The following COL24A1 variants were observed in gnomAD, a reference collection of about 807,000 sequenced individuals.
COL24A1 encodes the protein collagen alpha-1(XXIV) chain.
COL24A1 carries 224 observed loss-of-function variants against 253.9 expected under a neutral mutation model. That is an observed-to-expected ratio of 0.88 (90% CI 0.79 to 0.99). COL24A1 has a LOEUF of 0.99. COL24A1 is among the 50% of genes least tolerant of loss of function. The pLI is 0.00. For missense variants in COL24A1, 2,131 were observed against 2,068.5 expected, an observed-to-expected ratio of 1.03 and a Z score of -0.59; for synonymous variants, 685 against 673.7, an observed-to-expected ratio of 1.02 and a Z score of -0.26.
chr1:85,832,792 G>C (rs1181214072), intron 43 of COL24A1, among the ~76,000 whole-genome samples: 1 of 150,690 alleles, frequency 6.6e-6, no homozygotes, highest in Non-Finnish European at 1.5e-5. Context: ...CTGAGACTTT[G>C]CTGAAGTTGC....
chr1:85,797,172 C>T (rs1670909134), intron 47 of COL24A1, among the ~76,000 whole-genome samples: 1 of 138,170 alleles, frequency 7.2e-6, no homozygotes, highest in Admixed American at 8.0e-5. Context: ...GCAACTACTG[C>T]ACTCCGGCCT....
chr1:86,156,386 C>T lies in COL24A1; in HGVS notation c.11G>A (p.Arg4Lys), dbSNP rs1472513332. Residue 4 changes from arginine to lysine, a missense_variant, in exon 1 of 60, where the codon AGA becomes AAA. Arg to Lys is a conservative substitution (Grantham distance 26, BLOSUM62 2). Coordinates refer to ENST00000370571, the MANE Select transcript of COL24A1 (RefSeq NM_152890.7). ...TTTTCCACGCCTTGTTCTGTGGGCTCTTAAATGCATTTGTATGCATTTGTC... is the reference window on the plus strand; with the variant it reads ...TTTTCCACGCCTTGTTCTGTGGGCTTTTAAATGCATTTGTATGCATTTGTC... MHL[R>K]AHRTRRGKVS... 5 of 1,612,186 alleles carry T rather than the reference C, an allele frequency of 3.1e-6. No individual in the cohort carries two copies. Among genetic ancestry groups the T allele is most frequent in the Non-Finnish European group, 2.5e-6 (3 of 1,179,288 alleles).
intron 24 of COL24A1, among the ~76,000 whole-genome samples, chr1:85,926,447 A>T (rs1247024895): frequency 6.6e-6 from 1 of 152,254 alleles, no homozygotes; most frequent in Non-Finnish European, 1.5e-5. Context: ...GACTGGATTA[A>T]GAATATGTGG....
At chr1:85,919,167 G>A (rs1429568048) in intron 24 of COL24A1, among the ~76,000 whole-genome samples, 1 of 152,124 alleles carries the variant, frequency 6.6e-6, no homozygotes, top group Non-Finnish European at 1.5e-5. Context: ...CCAACCCACA[G>A]TGTATAGAGT....
chr1:85,896,507 T>G (rs1213801777), intron 28 of COL24A1, 98 bp from the exon 29 acceptor site: 1 of 1,101,390 alleles, frequency 9.1e-7, no homozygotes, highest in African/African-American at 1.6e-5. Context: ...GATGATTTTT[T>G]TTTTTTGAGA....
chr1:86,057,800 C>G, intron 10 of COL24A1, 131 bp downstream of exon 10: 4 of 695,348 alleles, frequency 5.8e-6, no homozygotes, highest in Non-Finnish European at 9.3e-6. Context: ...CTGCAGTAAG[C>G]AAGTATATTC....
At chr1:85,756,193 G>A (rs780152570) in intron 55 of COL24A1, among the ~76,000 whole-genome samples, 3 of 152,064 alleles carry the variant, frequency 2.0e-5, no homozygotes, top group Non-Finnish European at 4.4e-5. Flanking sequence ...GCCGAGGTAG[G>A]CAGATCACTT....
At chr1:86,095,686 A>G (rs951292910) in intron 5 of COL24A1, among the ~76,000 whole-genome samples, 1 of 152,086 alleles carries the variant, frequency 6.6e-6, no homozygotes, top group East Asian at 1.9e-4. Flanking sequence ...TAAAATACTT[A>G]TAAATTCATT....
intron 24 of COL24A1, among the ~76,000 whole-genome samples, chr1:85,960,581 G>T (rs1690929175): frequency 6.6e-6 from 1 of 151,960 alleles, no homozygotes; most frequent in Non-Finnish European, 1.5e-5. Context: ...AATTTAATAA[G>T]CTTTTTAATA....
At chr1:85,971,238 C>A (rs534209463) in intron 21 of COL24A1, 102 bp downstream of exon 21, 2 of 831,718 alleles carry the variant, frequency 2.4e-6, no homozygotes, top group South Asian at 3.1e-5. Context: ...AACTGGAAAT[C>A]TGATGGTGTT....
chr1:86,020,056 T>G (rs1011986876), intron 18 of COL24A1, among the ~76,000 whole-genome samples: 12 of 106,622 alleles, frequency 1.1e-4, no homozygotes, highest in Non-Finnish European at 1.4e-4. Flanking sequence ...CTTTTTTCAT[T>G]CTTTCTTTTT....
chr1:86,106,052 C>T (rs1704950992), intron 5 of COL24A1, among the ~76,000 whole-genome samples: 2 of 152,192 alleles, frequency 1.3e-5, no homozygotes, highest in South Asian at 4.1e-4. Flanking sequence ...AGTCAGTCAT[C>T]TTGCCCAGCT....
intron 47 of COL24A1, among the ~76,000 whole-genome samples, chr1:85,798,029 C>T (rs1170697685): frequency 2.6e-5 from 4 of 151,736 alleles, no homozygotes; most frequent in African/African-American, 7.3e-5. Flanking sequence ...CTCATCTCTA[C>T]AAAAATAAAA....
chr1:85,976,149 A>G (rs887912427), intron 20 of COL24A1, among the ~76,000 whole-genome samples: 5 of 152,186 alleles, frequency 3.3e-5, no homozygotes, highest in African/African-American at 9.7e-5. Context: ...ACTGTTGCAG[A>G]GAGTAGCACA....
At chr1:86,117,040 A>C (rs1706215589) in intron 3 of COL24A1, among the ~76,000 whole-genome samples, 1 of 152,204 alleles carries the variant, frequency 6.6e-6, no homozygotes, top group Non-Finnish European at 1.5e-5. Flanking sequence ...ATGTCCCCAA[A>C]AATAAGAGCC....
intron 5 of COL24A1, among the ~76,000 whole-genome samples, chr1:86,109,661 G>A (rs1031861955): frequency 6.6e-6 from 1 of 152,198 alleles, no homozygotes; most frequent in Non-Finnish European, 1.5e-5. Flanking sequence ...CTGATAAGCA[G>A]AGGGGTGAGA....
At chr1:85,829,881 G>A (rs1297578516) in intron 43 of COL24A1, among the ~76,000 whole-genome samples, 5 of 152,014 alleles carry the variant, frequency 3.3e-5, no homozygotes, top group Non-Finnish European at 5.9e-5. Flanking sequence ...TCCTCCCATA[G>A]CTCGGAGTAA....
chr1:86,042,498 A>G (rs1699577807), intron 12 of COL24A1, among the ~76,000 whole-genome samples: 1 of 152,154 alleles, frequency 6.6e-6, no homozygotes, highest in Non-Finnish European at 1.5e-5. Flanking sequence ...TTAAATTTGA[A>G]CATACCATTA....
At chr1:86,120,318 G>A (rs1053404361) in intron 3 of COL24A1, among the ~76,000 whole-genome samples, 16 of 152,140 alleles carry the variant, frequency 1.1e-4, no homozygotes, top group South Asian at 2.1e-4. Flanking sequence ...AAGAGCTTCT[G>A]CACAGCAAAA....
Sources: allele counts gnomAD v4.1 joint callset (sites outside exome capture counted in the v4.1 genomes callset), GRCh38; gene constraint gnomAD v4.1.1; transcripts MANE v1.5; gene names NCBI Gene and HGNC (gene_info 2026-07-23, HGNC 2026-07-21).